The following PLAAT5 variants were observed in gnomAD, a reference collection of about 807,000 sequenced individuals.
PLAAT5 encodes Ca(2+)-independent N-acyltransferase.
PLAAT5 carries 27 observed loss-of-function variants against 27.8 expected under a neutral mutation model. That is an observed-to-expected ratio of 0.97 (90% confidence interval 0.72 to 1.34). The LOEUF is 1.34. Ranked by LOEUF, PLAAT5 falls within the 40% of genes most tolerant of loss-of-function variation. The pLI, the probability that PLAAT5 is intolerant of heterozygous loss-of-function variation, is 0.00. For synonymous variants in PLAAT5, 125 were observed against 136.1 expected (o/e 0.92, Z 0.57); for missense variants, 368 against 343.8 (o/e 1.07, Z -0.56).
intron 3 of PLAAT5, among the ~76,000 whole-genome samples, chr11:63,485,590 G>C (rs2016414456): frequency 6.6e-6 from 1 of 152,116 alleles, no homozygotes; most frequent in Admixed American, 6.5e-5. Flanking sequence ...GAATAAAGCT[G>C]GATCCTCAAC....
chr11:63,490,548 G>A, intron 1 of PLAAT5: 1 of 734,528 alleles, frequency 1.4e-6, no homozygotes, highest in East Asian at 2.6e-5. Flanking sequence ...TGGGATTCCT[G>A]GGAACGGAAT....
rs1452185437 is a variant in PLAAT5 at position 63,463,259 on chromosome 11, C to CT, written c.*243dup. ...GAAATTAGATCCGTATATGAAATGC[C>CT]TAGCACAGTGCCTGGCGCATAAGAG... On this transcript the variant is annotated 3_prime_UTR_variant, in exon 6 of 6. Transcript: ENST00000540857. 80 of 534,690 alleles carry CT rather than the reference C, an allele frequency of 1.5e-4. No individual in the cohort carries two copies. The South Asian group carries it at 1.7e-3, about 11-fold the overall frequency. The allele number at this position is 534,690 out of a possible 1,614,324, so 33.1% of individuals were successfully genotyped here.
intron 3 of PLAAT5, among the ~76,000 whole-genome samples, chr11:63,487,093 G>A (rs887858312): frequency 1.3e-5 from 2 of 151,970 alleles, no homozygotes; most frequent in Non-Finnish European, 2.9e-5. Context: ...TTACATTTCC[G>A]TTTTATAAAA....
At chr11:63,472,037 T>C (rs1159402154) in intron 3 of PLAAT5, among the ~76,000 whole-genome samples, 1 of 152,044 alleles carries the variant, frequency 6.6e-6, no homozygotes, top group Non-Finnish European at 1.5e-5. Flanking sequence ...CACTGGGGCC[T>C]GTCAGGGTGG....
chr11:63,490,760 C>T, intron 1 of PLAAT5, 127 bp downstream of exon 1: 1 of 903,174 alleles, frequency 1.1e-6, no homozygotes, highest in Non-Finnish European at 1.6e-6. Context: ...CTGAAATACT[C>T]GCTCATGATG....
intron 3 of PLAAT5, among the ~76,000 whole-genome samples, chr11:63,480,980 T>A (rs79781554): frequency 0.012 from 1,861 of 152,352 alleles, 35 homozygotes; most frequent in African/African-American, 0.041. Flanking sequence ...CTATTTCCCA[T>A]GCATTTTGTA....
At chr11:63,490,151 C>A in intron 2 of PLAAT5, 92 bp downstream of exon 2, 1 of 1,563,734 alleles carries the variant, frequency 6.4e-7, no homozygotes, top group Non-Finnish European at 8.8e-7. Flanking sequence ...ACACAAAAAC[C>A]ACCTCTGGGT....
chr11:63,466,295 C>T lies in PLAAT5; in HGVS notation c.532G>A (p.Val178Met), dbSNP rs754005618. The change falls in exon 5 of 6, where the codon GTG becomes ATG. Residue 178 changes from valine (V) to methionine (M), a missense_variant. Transcript: ENST00000540857. ...AVVKYSRLED[V>M]LHGCSWKVNN... is the part of the protein sequence containing the mutation. ...ACCTTCCAGGAGCAGCCATGCAGCA[C>T]ATCCTCCAGACGACTGTATTTCACC... 1.2e-6 allele frequency: 2 copies of T among 1,614,186 alleles called. No homozygotes were observed. The highest frequency in any genetic ancestry group is 8.5e-7 in the Non-Finnish European group (1 of 1,180,034).
chr11:63,473,373 A>G (rs1467714508), intron 3 of PLAAT5, among the ~76,000 whole-genome samples: 2 of 152,244 alleles, frequency 1.3e-5, no homozygotes, highest in African/African-American at 4.8e-5. Flanking sequence ...AATAGGCTAC[A>G]GAATAATGTA....
At chr11:63,464,160 G>A (rs1056314142) in intron 5 of PLAAT5, among the ~76,000 whole-genome samples, 2 of 152,154 alleles carry the variant, frequency 1.3e-5, no homozygotes, top group Non-Finnish European at 2.9e-5. Context: ...GCAGGCTGGA[G>A]AGGATGCAGA....
At chr11:63,482,360 G>C (rs938287384) in intron 3 of PLAAT5, among the ~76,000 whole-genome samples, 15 of 152,094 alleles carry the variant, frequency 9.9e-5, no homozygotes, top group African/African-American at 3.6e-4. Flanking sequence ...TGAGCTGTGA[G>C]GCAAAAGCGT....
intron 3 of PLAAT5, among the ~76,000 whole-genome samples, chr11:63,471,653 A>G (rs1344241909): frequency 1.3e-5 from 2 of 152,244 alleles, no homozygotes; most frequent in African/African-American, 2.4e-5. Context: ...GTAAGTGTTC[A>G]GAGTAATATT....
intron 3 of PLAAT5, among the ~76,000 whole-genome samples, chr11:63,479,114 A>AT (rs1318924181): frequency 2.0e-5 from 3 of 152,192 alleles, no homozygotes; most frequent in Non-Finnish European, 4.4e-5. Flanking sequence ...ATCCCCCACC[A>AT]TAAATCCCGG....
At chr11:63,486,492 A>AAACAATG (rs2016438131) in intron 3 of PLAAT5, among the ~76,000 whole-genome samples, 1 of 152,172 alleles carries the variant, frequency 6.6e-6, no homozygotes, top group Non-Finnish European at 1.5e-5. Flanking sequence ...AAAAGGAATG[A>AAACAATG]AACAATGACA....
At chr11:63,475,421 T>A (rs958636695) in intron 3 of PLAAT5, among the ~76,000 whole-genome samples, 14 of 152,056 alleles carry the variant, frequency 9.2e-5, no homozygotes, top group Non-Finnish European at 1.8e-4. Context: ...TAATAATACC[T>A]CTTCTCTTAA....
rs1314554590 is a variant in PLAAT5 at position 63,474,923 on chromosome 11, AGATGT to A, written c.346-6463_346-6459del. Among the ~76,000 whole-genome samples the A allele has an allele frequency of 3.9e-5, 6 of 152,182 alleles. No individual in the cohort carries two copies. In the East Asian group the frequency reaches 1.2e-3, roughly 29 times the overall value. ...TTCTTTTTTTGACCATGGGTTATTTAGATGTATGTTGCTTAATTTCCAAATACTTG... is the reference window on the plus strand; with the variant it reads ...TTCTTTTTTTGACCATGGGTTATTTAATGTTGCTTAATTTCCAAATACTTG... On this transcript the variant is annotated intron_variant, in intron 3 of 5. Coordinates refer to ENST00000540857, the MANE Select transcript of PLAAT5 (RefSeq NM_001146729.2).
At chr11:63,481,317 G>A (rs2016279072) in intron 3 of PLAAT5, among the ~76,000 whole-genome samples, 1 of 152,180 alleles carries the variant, frequency 6.6e-6, no homozygotes, top group Non-Finnish European at 1.5e-5. Flanking sequence ...GCACATGCCT[G>A]TAATCCCAGC....
intron 2 of PLAAT5, among the ~76,000 whole-genome samples, chr11:63,490,022 T>C (rs2016522807): frequency 6.6e-6 from 1 of 152,238 alleles, no homozygotes; most frequent in Admixed American, 6.5e-5. Context: ...GAGAATGGCC[T>C]TGTGGCTAGA....
intron 3 of PLAAT5, 69 bp from the exon 4 acceptor site, chr11:63,468,534 G>C: frequency 8.6e-7 from 1 of 1,165,768 alleles, no homozygotes; most frequent in Non-Finnish European, 1.3e-6. Context: ...TTTAGGATCA[G>C]GGACAGCTCA....
Sources: gnomAD v4.1 joint callset for allele counts (sites outside exome capture counted in the v4.1 genomes callset) on GRCh38, gnomAD v4.1.1 for gene constraint, MANE v1.5 for transcripts, NCBI Gene and HGNC (gene_info 2026-07-23, HGNC 2026-07-21) for gene names.